LYRM9: variants seen among roughly 807,000 people sequenced by gnomAD.
The protein encoded by LYRM9 is LYR motif containing 9.
A neutral mutation model predicts 12.6 loss-of-function variants in LYRM9; 14 were observed. That is an observed-to-expected ratio of 1.11 (90% confidence interval 0.73 to 1.73). The LOEUF (loss-of-function observed/expected upper bound fraction) is 1.73. Ranked by LOEUF, LYRM9 falls within the 40% of genes most tolerant of loss-of-function variation. The pLI, the probability that LYRM9 is intolerant of heterozygous loss-of-function variation, is 0.00. For missense variants in LYRM9, 94 were observed against 95.0 expected, an observed-to-expected ratio of 0.99 and a Z score of 0.04; for synonymous variants, 42 against 35.1, an observed-to-expected ratio of 1.20 and a Z score of -0.69.
Position 27,892,298 on chromosome 17 carries a change from C to A in LYRM9, c.-19+1019G>T, listed in dbSNP as rs1234620463. The A allele has an allele frequency of 1.2e-5, 5 of 400,842 alleles. No homozygotes were observed. In the East Asian group the frequency reaches 3.7e-4, roughly 30 times the overall value. 24.8% of individuals were successfully genotyped at this position (400,842 alleles called of 1,614,324 possible). On this transcript the variant is annotated intron_variant, in intron 1 of 3. Transcript: ENST00000379102. ...TTGCTGACTGTAAGCTTCTGAAGAA[C>A]AAGAAACTATACTGTATTAGTTCAA...
At chr17:27,883,373 T>C (rs186182124) in intron 1 of LYRM9, 231 of 187,410 alleles carry the variant, frequency 1.2e-3, no homozygotes, top group African/African-American at 5.2e-3. Flanking sequence ...CTATGAGTTA[T>C]CATAAAAATC....
At chr17:27,879,574 T>C (rs1008703603) in intron 3 of LYRM9, 84 bp from the exon 4 acceptor site, 3 of 1,468,402 alleles carry the variant, frequency 2.0e-6, no homozygotes, top group Non-Finnish European at 1.9e-6. Context: ...CTCCATCATC[T>C]GGACCTCACC....
chr17:27,887,713 G>GGAGGGTGTGTGTGT (rs1485417792), intron 1 of LYRM9, among the ~76,000 whole-genome samples: 4 of 86,830 alleles, frequency 4.6e-5, no homozygotes, highest in African/African-American at 1.1e-4. Context: ...TAGGAGGGAG[G>GGAGGGTGTGTGTGT]GTGTGTGTGT....
rs1053883028 is a variant in LYRM9, at chr17:27,878,428, T to C, written c.*1045A>G. The C allele has an allele frequency of 6.6e-6, 1 of 152,240 alleles. No homozygotes were observed. Among genetic ancestry groups the C allele is most frequent in the African/African-American group, 2.4e-5 (1 of 41,454 alleles). The allele number at this position is 152,240 out of a possible 1,614,324, so 9.4% of individuals were successfully genotyped here. On this transcript the variant is annotated 3_prime_UTR_variant, in exon 4 of 4. Transcript: ENST00000379102. ...GCATACATAGATATCTCTGAGTCAC[T>C]TTAAGTCACATAACTGCAAGGATAC...
chr17:27,890,755 C>G (rs772380828), intron 1 of LYRM9, among the ~76,000 whole-genome samples: 2 of 152,164 alleles, frequency 1.3e-5, no homozygotes, highest in African/African-American at 2.4e-5. Flanking sequence ...AGCACTGATA[C>G]ACGCTAAATT....
chr17:27,882,642 C>T lies in LYRM9; in HGVS notation c.53G>A (p.Arg18Gln). 8.7e-6 allele frequency: 14 copies of T among 1,602,432 alleles called. No homozygotes were observed. The highest frequency in any genetic ancestry group is 1.1e-5 in the South Asian group (1 of 88,608). ...ELVRRPLQLY[R>Q]YLLRCCQQLP... is the part of the protein sequence containing the mutation. ...CTGCTGGCAACAGCGCAGCAAGTAT[C>T]GGTAGAGCTGCAGTGGCCTCCGAAC... is the stretch of plus-strand genomic sequence containing the variant. The change falls in exon 2 of 4, where the codon CGA becomes CAA. Residue 18 changes from arginine (R) to glutamine (Q), a missense_variant. Coordinates refer to ENST00000379102, the MANE Select transcript of LYRM9 (RefSeq NM_001076680.3).
Position 27,882,568 on chromosome 17 carries a change from C to A in LYRM9, c.126+1G>T. On this transcript the variant is annotated splice_donor_variant, in intron 2 of 3. Coordinates refer to ENST00000379102, the MANE Select transcript of LYRM9 (RefSeq NM_001076680.3). LOFTEE classifies it high-confidence loss of function. ...CCAGACCTGGTAGAGCCAGCTCGCA[C>A]CTGCCTGACAGCATGCTTGTAATGC... 1 of 1,584,798 alleles carries A rather than the reference C, an allele frequency of 6.3e-7. No individual in the cohort carries two copies. Among genetic ancestry groups the A allele is most frequent in the Non-Finnish European group, 8.6e-7 (1 of 1,166,580 alleles).
At chr17:27,889,553 T>C (rs1445065917) in intron 1 of LYRM9, among the ~76,000 whole-genome samples, 2 of 152,142 alleles carry the variant, frequency 1.3e-5, no homozygotes, top group Non-Finnish European at 2.9e-5. Context: ...TCCACCTGCC[T>C]TGGCCTCCCA....
chr17:27,889,296 C>T (rs1905341606), intron 1 of LYRM9, among the ~76,000 whole-genome samples: 1 of 151,554 alleles, frequency 6.6e-6, no homozygotes, highest in Admixed American at 6.6e-5. Flanking sequence ...ATGTGCTGCT[C>T]TTTTTTTCTT....
chr17:27,882,535 G>A (rs776951542), intron 2 of LYRM9, 34 bp downstream of exon 2: 11 of 1,532,754 alleles, frequency 7.2e-6, no homozygotes, highest in Non-Finnish European at 9.7e-6. Context: ...TGCCATTAGA[G>A]GCAGCCCCCA....
rs1048282347 is a variant in LYRM9, at chr17:27,886,492, C to T, written c.-18-3780G>A. ...GGCAACACTTGCCTCCCTTGCCCTGCCCTTTGGACTTGATCTTGGCCTCTG... is the reference window on the plus strand; with the variant it reads ...GGCAACACTTGCCTCCCTTGCCCTGTCCTTTGGACTTGATCTTGGCCTCTG... On this transcript the variant is annotated intron_variant, in intron 1 of 3. Transcript: ENST00000379102. The surrounding 1 kb of genome is among the most constrained non-coding windows in gnomAD (Gnocchi z 4.8). Among the ~76,000 whole-genome samples, 1 of 152,186 alleles carries T rather than the reference C, an allele frequency of 6.6e-6. No individual in the cohort carries two copies. Among genetic ancestry groups the T allele is most frequent in the Non-Finnish European group, 1.5e-5 (1 of 68,034 alleles).
intron 1 of LYRM9, among the ~76,000 whole-genome samples, chr17:27,887,375 C>T (rs952855383): frequency 1.3e-5 from 2 of 152,164 alleles, no homozygotes; most frequent in Admixed American, 1.3e-4. Context: ...TTTTCAAATG[C>T]TCATAAAACT....
At chr17:27,882,995 G>C (rs1288521018) in intron 1 of LYRM9, 6 of 528,798 alleles carry the variant, frequency 1.1e-5, no homozygotes, top group South Asian at 7.7e-5. Flanking sequence ...GCATGAGTAG[G>C]TGTCCCTCAC....
intron 1 of LYRM9, among the ~76,000 whole-genome samples, chr17:27,887,713 GGTGTGTGTGTGTGTGTGTGTGTGT>G (rs59760752): frequency 9.2e-5 from 8 of 86,830 alleles, no homozygotes; most frequent in Non-Finnish European, 2.6e-4. Context: ...TAGGAGGGAG[GGTGTGTGTGTGTGTGTGTGTGTGT>G]GTGTGTGTGT....
intron 1 of LYRM9, among the ~76,000 whole-genome samples, chr17:27,884,609 T>C: frequency 6.6e-6 from 1 of 152,220 alleles, no homozygotes; most frequent in East Asian, 1.9e-4. Context: ...CTGTCCTCTG[T>C]GGGGCTGCAG....
chr17:27,885,667 C>A (rs116344573), intron 1 of LYRM9, among the ~76,000 whole-genome samples: 1 of 138,700 alleles, frequency 7.2e-6, no homozygotes, highest in South Asian at 2.3e-4. Context: ...CACCACGGCA[C>A]TCAGCCCGGA....
rs1192261011 is a variant in LYRM9, at chr17:27,879,460, A to T, written c.*13T>A. 24 of 1,550,858 alleles carry T rather than the reference A, an allele frequency of 1.5e-5. No homozygotes were observed. Among genetic ancestry groups the T allele is most frequent in the Non-Finnish European group, 2.0e-5 (23 of 1,146,864 alleles). ...CAACTTCCAGAGGCCAGGAAGGCTC[A>T]CCCTCGGAGCTCTCAGTTTTGTTTT... is the stretch of plus-strand genomic sequence containing the variant. On this transcript the variant is annotated 3_prime_UTR_variant, in exon 4 of 4. Transcript: ENST00000379102.
chr17:27,879,636 G>A (rs528864771), intron 3 of LYRM9, 146 bp from the exon 4 acceptor site: 135 of 755,140 alleles, frequency 1.8e-4, no homozygotes, highest in South Asian at 1.7e-3. Flanking sequence ...AGGAGGCACT[G>A]GGCAGCCAAA....
intron 1 of LYRM9, chr17:27,892,551 C>T: frequency 2.6e-6 from 1 of 383,070 alleles, no homozygotes; most frequent in Non-Finnish European, 5.0e-6. Flanking sequence ...TCACAAGGGG[C>T]TACTTAATGT....
Sources: gnomAD v4.1 joint callset for allele counts (sites outside exome capture counted in the v4.1 genomes callset) on GRCh38, gnomAD v4.1.1 for gene constraint, Gnocchi (gnomAD v3.1) non-coding constraint, MANE v1.5 for transcripts, NCBI Gene and HGNC (gene_info 2026-07-23, HGNC 2026-07-21) for gene names.